Variants in CRY1 observed in about 807,000 individuals in gnomAD.
The protein encoded by CRY1 is cryptochrome circadian regulator 1.
In CRY1, 45 loss-of-function variants were observed where a neutral mutation model predicts 76.0. That is an observed-to-expected ratio of 0.59 (90% CI 0.47 to 0.76). The LOEUF (loss-of-function observed/expected upper bound fraction) is 0.76. Among genes scored for constraint, CRY1 ranks in the 30% least tolerant of loss-of-function variants. The pLI is 0.00. For synonymous variants in CRY1, 248 were observed against 244.0 expected (o/e 1.02, Z -0.15); for missense variants, 587 against 716.4 (o/e 0.82, Z 2.06).
intron 7 of CRY1, 138 bp from the exon 8 acceptor site, chr12:106,998,204 T>C (rs1342595456): frequency 2.2e-6 from 2 of 904,016 alleles, no homozygotes. Context: ...CAAAGTTAGC[T>C]TCCCTATGTT....
chr12:107,077,077 G>T (rs1231346315), intron 1 of CRY1, among the ~76,000 whole-genome samples: 1 of 151,914 alleles, frequency 6.6e-6, no homozygotes, highest in Non-Finnish European at 1.5e-5. Context: ...AGCAATGCAA[G>T]AACGGCCTAC....
At chr12:107,005,947 G>GT (rs975112085) in intron 2 of CRY1, among the ~76,000 whole-genome samples, 45 of 148,930 alleles carry the variant, frequency 3.0e-4, no homozygotes, top group South Asian at 2.1e-3. Context: ...TAAGGAGAAA[G>GT]TTTTTTTTTT....
At chr12:107,092,053 C>T (rs1953478225) in intron 1 of CRY1, among the ~76,000 whole-genome samples, 3 of 152,170 alleles carry the variant, frequency 2.0e-5, no homozygotes, top group Admixed American at 2.0e-4. Context: ...TGCTATATCC[C>T]TAGCATTTAA....
Position 107,015,359 on chromosome 12 carries a change from A to G in CRY1, c.267+6725T>C, listed in dbSNP as rs182261891. ...CCTATCTACTCTTTTTTTTTTTTTG[A>G]GACAAGGTCTCACTCTGTTGCCCAG... On this transcript the variant is annotated intron_variant, in intron 2 of 12. Transcript: ENST00000008527. Among the ~76,000 whole-genome samples, 1,212 of 139,230 alleles carry G rather than the reference A, an allele frequency of 8.7e-3. 12 individuals are homozygous for G. Among genetic ancestry groups the G allele is most frequent in the African/African-American group, 0.03 (1,134 of 37,494 alleles). 91.3% of individuals were successfully genotyped at this position (139,230 alleles called of 152,430 possible).
chr12:107,055,213 T>G (rs181029861), intron 1 of CRY1, among the ~76,000 whole-genome samples: 1 of 152,128 alleles, frequency 6.6e-6, no homozygotes, highest in Non-Finnish European at 1.5e-5. Flanking sequence ...GACGTATTTA[T>G]GCTAAAAATT....
At chr12:107,073,454 C>A (rs1050596676) in intron 1 of CRY1, among the ~76,000 whole-genome samples, 1 of 152,104 alleles carries the variant, frequency 6.6e-6, no homozygotes, top group Non-Finnish European at 1.5e-5. Context: ...TGGCTGGGCA[C>A]GGTGACTCAT....
chr12:106,996,373 G>A (rs1262827025), intron 10 of CRY1, among the ~76,000 whole-genome samples: 2 of 151,916 alleles, frequency 1.3e-5, no homozygotes, highest in Non-Finnish European at 2.9e-5. Flanking sequence ...GTCTATCATC[G>A]ACTGGCATTT....
chr12:107,054,900 T>C (rs939964911), intron 1 of CRY1, among the ~76,000 whole-genome samples: 3 of 152,090 alleles, frequency 2.0e-5, no homozygotes, highest in African/African-American at 4.8e-5. Flanking sequence ...GCATTTCAAA[T>C]TGTATAAAGT....
rs547332478 is a variant in CRY1, at chr12:107,043,995, A to C, written c.159-21803T>G. On this transcript the variant is annotated intron_variant, in intron 1 of 12. Transcript: ENST00000008527. ...GTGTTCTGCCTCCTTCAGGGGTAGA[A>C]TCATAGCTACAACTCAGCTTCCTGA... Among the ~76,000 whole-genome samples the C allele has an allele frequency of 7.2e-5, 11 of 152,274 alleles. 1 individual carries two copies. In the South Asian group the frequency reaches 2.3e-3, roughly 32 times the overall value.
chr12:107,065,970 C>A (rs1373198854), intron 1 of CRY1, among the ~76,000 whole-genome samples: 1 of 152,220 alleles, frequency 6.6e-6, no homozygotes, highest in Admixed American at 6.5e-5. Flanking sequence ...ATTATCCACT[C>A]CTGCTGTGGT....
Position 106,992,850 on chromosome 12 carries a change from A to C in CRY1, c.1698T>G (p.Arg566=). ...SMGTGLSGGK[R]PSQEEDTQSI... ...TCTGTGTGTCCTCTTCCTGACTAGG[A>C]CGTTTCCCACCACTGAGACCAGTGC... The change falls in exon 12 of 13, where the codon CGT becomes CGG. Residue 566 remains arginine, a synonymous_variant. Coordinates refer to ENST00000008527, the MANE Select transcript of CRY1 (RefSeq NM_004075.5). 6.2e-7 allele frequency: 1 copy of C among 1,613,982 alleles called. No individual in the cohort carries two copies. Among genetic ancestry groups the C allele is most frequent in the Non-Finnish European group, 8.5e-7 (1 of 1,179,934 alleles).
chr12:107,064,472 G>A (rs1953087342), intron 1 of CRY1, among the ~76,000 whole-genome samples: 1 of 152,192 alleles, frequency 6.6e-6, no homozygotes, highest in Non-Finnish European at 1.5e-5. Context: ...GGAGCAGCTG[G>A]TCTCATATAT....
chr12:107,023,548 T>C (rs1040356807), intron 1 of CRY1, among the ~76,000 whole-genome samples: 1 of 152,246 alleles, frequency 6.6e-6, no homozygotes, highest in African/African-American at 2.4e-5. Flanking sequence ...CAAATAAGTC[T>C]TGTTGATTTT....
chr12:107,023,836 T>C (rs1250650465), intron 1 of CRY1, among the ~76,000 whole-genome samples: 1 of 152,136 alleles, frequency 6.6e-6, no homozygotes, highest in South Asian at 2.1e-4. Flanking sequence ...CCACTACCAA[T>C]GTACAAATAT....
chr12:107,078,866 A>G (rs931413183), intron 1 of CRY1, among the ~76,000 whole-genome samples: 11 of 152,124 alleles, frequency 7.2e-5, no homozygotes, highest in African/African-American at 2.7e-4. Context: ...TTTTCCAGGC[A>G]GTCACCTAAG....
chr12:107,067,461 G>A (rs1953127123), intron 1 of CRY1, among the ~76,000 whole-genome samples: 1 of 152,016 alleles, frequency 6.6e-6, no homozygotes, highest in South Asian at 2.1e-4. Context: ...ATGCTGACAT[G>A]GTGATATCGG....
At chr12:107,059,400 A>G (rs1218484060) in intron 1 of CRY1, among the ~76,000 whole-genome samples, 1 of 152,060 alleles carries the variant, frequency 6.6e-6, no homozygotes. Flanking sequence ...AGTGGGCACC[A>G]CCATACTTGT....
chr12:107,069,589 A>ATATATAT lies in CRY1; in HGVS notation c.158+23208_158+23214dup, dbSNP rs1441594432. 3.1e-3 allele frequency among the ~76,000 whole-genome samples: 128 copies of ATATATAT among 40,764 alleles called. 1 individual carries two copies. Among genetic ancestry groups the ATATATAT allele is most frequent in the African/African-American group, 5.7e-3 (122 of 21,382 alleles). 26.7% of individuals were successfully genotyped at this position (40,764 alleles called of 152,430 possible). A position where few individuals can be genotyped will look rare whatever the true frequency, so the allele number is the denominator to read the frequency against. On this transcript the variant is annotated intron_variant, in intron 1 of 12. Transcript: ENST00000008527. Reference sequence around the variant, plus strand: ...TATATATAAAGTATATATATAAAGTATATATATATAAAGTATATATATAAA... The same window carrying ATATATAT: ...TATATATAAAGTATATATATAAAGTATATATATTATATATATAAAGTATATATATAAA...
chr12:107,062,114 AT>A (rs1953056089), intron 1 of CRY1, among the ~76,000 whole-genome samples: 1 of 151,806 alleles, frequency 6.6e-6, no homozygotes, highest in African/African-American at 2.4e-5. Flanking sequence ...TAAAAATCCT[AT>A]TTTGGCTCTA....
Sources: gnomAD v4.1 joint callset for allele counts (sites outside exome capture counted in the v4.1 genomes callset) on GRCh38, gnomAD v4.1.1 for gene constraint, MANE v1.5 for transcripts, NCBI Gene and HGNC (gene_info 2026-07-23, HGNC 2026-07-21) for gene names.